Variants in MAPK8IP1 observed in about 807,000 individuals in gnomAD.
MAPK8IP1 encodes the protein mitogen-activated protein kinase 8 interacting protein 1.
MAPK8IP1 carries 17 observed loss-of-function variants against 72.6 expected under a neutral mutation model. That is an observed-to-expected ratio of 0.23 (90% CI 0.16 to 0.35). MAPK8IP1 has a LOEUF of 0.35. MAPK8IP1 is among the 10% of genes least tolerant of loss of function. The probability of loss-of-function intolerance (pLI) is 1.00; values close to 1 mark genes in which losing one functional copy is unlikely to be tolerated. For synonymous variants in MAPK8IP1, 401 were observed against 443.4 expected, an observed-to-expected ratio of 0.90 and a Z score of 1.20; for missense variants, 789 against 1,009.7, an observed-to-expected ratio of 0.78 and a Z score of 2.96.
intron 1 of MAPK8IP1, among the ~76,000 whole-genome samples, chr11:45,886,537 G>A (rs2086528881): frequency 6.6e-6 from 1 of 152,186 alleles, no homozygotes. Context: ...TGCGGGAAGG[G>A]AAGTCGGCTC....
chr11:45,895,619 C>CAAA (rs1256044597), intron 1 of MAPK8IP1, among the ~76,000 whole-genome samples: 8 of 31,228 alleles, frequency 2.6e-4, no homozygotes, highest in South Asian at 2.0e-3. Context: ...AAGGCCGTCT[C>CAAA]AAAAAAAAAA....
At chr11:45,901,907 G>A in intron 3 of MAPK8IP1, 73 bp from the exon 4 acceptor site, 2 of 1,153,372 alleles carry the variant, frequency 1.7e-6, no homozygotes, top group South Asian at 1.2e-5. Context: ...GCCTGAGGGG[G>A]CAGGGCCGGG....
chr11:45,896,985 G>T, intron 1 of MAPK8IP1: 2 of 1,551,180 alleles, frequency 1.3e-6, no homozygotes, highest in Non-Finnish European at 1.7e-6. Flanking sequence ...GGTGGAGACC[G>T]AGTTGGGGTG....
chr11:45,885,858 C>G lies in MAPK8IP1; in HGVS notation c.38C>G (p.Ala13Gly), dbSNP rs893295783. ...GAAAGCGGCGGCCTGGGAGGGGGGG[C>G]CGCGTCCCCGCCCGCCGCCTCCCCG... ...ERESGGLGGG[A>G]ASPPAASPFL... is the part of the protein sequence containing the mutation. Residue 13 changes from alanine to glycine, a missense_variant, in exon 1 of 12, where the codon GCC becomes GGC. This residue lies in a region of MAPK8IP1 where 112 missense variants were observed against 111.8 expected (regional missense o/e 1.00). Coordinates refer to ENST00000241014, the MANE Select transcript of MAPK8IP1 (RefSeq NM_005456.4). 1.7e-5 allele frequency: 25 copies of G among 1,451,896 alleles called. No homozygotes were observed. In the Admixed American group the frequency reaches 2.5e-4, roughly 14 times the overall value. The allele number at this position is 1,451,896 out of a possible 1,614,324, so 89.9% of individuals were successfully genotyped here.
intron 2 of MAPK8IP1, among the ~76,000 whole-genome samples, chr11:45,898,710 G>A: frequency 6.6e-6 from 1 of 152,224 alleles, no homozygotes; most frequent in South Asian, 2.1e-4. Flanking sequence ...CTGGCCTATA[G>A]TCCTAAAGGC....
At chr11:45,889,627 G>A (rs2086551733) in intron 1 of MAPK8IP1, among the ~76,000 whole-genome samples, 1 of 152,148 alleles carries the variant, frequency 6.6e-6, no homozygotes. Flanking sequence ...GGGGTGTGTA[G>A]AAGGGGAATC....
At chr11:45,895,434 A>G (rs2086595743) in intron 1 of MAPK8IP1, among the ~76,000 whole-genome samples, 1 of 152,108 alleles carries the variant, frequency 6.6e-6, no homozygotes, top group Non-Finnish European at 1.5e-5. Flanking sequence ...AGCCTGGCCA[A>G]CATGGTGAAA....
chr11:45,900,595 C>A lies in MAPK8IP1; in HGVS notation c.522+143C>A. 1.1e-6 allele frequency: 1 copy of A among 939,984 alleles called. No homozygotes were observed. The highest frequency in any genetic ancestry group is 1.5e-6 in the Non-Finnish European group (1 of 646,916). The allele number at this position is 939,984 out of a possible 1,614,324, so 58.2% of individuals were successfully genotyped here. A position where few individuals can be genotyped will look rare whatever the true frequency, so the allele number is the denominator to read the frequency against. ...CATAGGGGCCGCGGTGGCTCGCTCC[C>A]GGTGTTGGGATCCGAGGAGCGGGCA... On this transcript the variant is annotated intron_variant, in intron 3 of 11. Coordinates refer to ENST00000241014, the MANE Select transcript of MAPK8IP1 (RefSeq NM_005456.4). The surrounding 1 kb of genome is among the most constrained non-coding windows in gnomAD (Gnocchi z 6.5).
rs1294234162 is a variant in MAPK8IP1 at position 45,904,960 on chromosome 11, C to T, written c.1894-11C>T. ...GTGACCGCCCTCTTGCTTCTTTTCT[C>T]CCTCCTGTAGGGGAATAAATGTAGC... On this transcript the variant is annotated splice_polypyrimidine_tract_variant and intron_variant, in intron 9 of 11. Coordinates refer to ENST00000241014, the MANE Select transcript of MAPK8IP1 (RefSeq NM_005456.4). The surrounding 1 kb of genome is among the most constrained non-coding windows in gnomAD (Gnocchi z 6.4). 1.1e-5 allele frequency: 17 copies of T among 1,613,762 alleles called. No individual in the cohort carries two copies. Among genetic ancestry groups the T allele is most frequent in the Non-Finnish European group, 1.4e-5 (16 of 1,179,662 alleles).
intron 2 of MAPK8IP1, 151 bp downstream of exon 2, chr11:45,898,341 T>C (rs568012580): frequency 1.8e-4 from 114 of 622,358 alleles, no homozygotes; most frequent in South Asian, 1.8e-3. Context: ...GGTATACTGC[T>C]TGGCACGTCT....
In MAPK8IP1 at chr11:45,900,460, G is replaced by A. The variant is rs1335114487; in HGVS notation, c.522+8G>A. 4 of 1,531,104 alleles carry A rather than the reference G, an allele frequency of 2.6e-6. No homozygotes were observed. In the South Asian group the frequency reaches 4.8e-5, roughly 18 times the overall value. 94.8% of individuals were successfully genotyped at this position (1,531,104 alleles called of 1,614,324 possible). On this transcript the variant is annotated splice_region_variant and intron_variant, in intron 3 of 11. Coordinates refer to ENST00000241014, the MANE Select transcript of MAPK8IP1 (RefSeq NM_005456.4). This position sits in a 1 kb window ranked among gnomAD's most constrained non-coding sequence, Gnocchi z 6.5. ...CAGGTGCCGCGGTCTCAGGTGAGGC[G>A]CCAACGTGGGGGGCGGCGCCCTGGG...
intron 1 of MAPK8IP1, among the ~76,000 whole-genome samples, chr11:45,886,703 T>G (rs1335841625): frequency 6.6e-6 from 1 of 152,130 alleles, no homozygotes; most frequent in Non-Finnish European, 1.5e-5. Flanking sequence ...GAGTGTTGTG[T>G]GGAGGAGGAA....
In MAPK8IP1 at chr11:45,906,388, T is replaced by C. The variant is rs2134680504; in HGVS notation, c.*667T>C. The C allele has an allele frequency of 8.2e-6, 6 of 730,924 alleles. No individual in the cohort carries two copies. The highest frequency in any genetic ancestry group is 1.2e-5 in the Non-Finnish European group (6 of 498,196). The allele number at this position is 730,924 out of a possible 1,614,324, so 45.3% of individuals were successfully genotyped here. A position where few individuals can be genotyped will look rare whatever the true frequency, so the allele number is the denominator to read the frequency against. On this transcript the variant is annotated 3_prime_UTR_variant, in exon 12 of 12. Coordinates refer to ENST00000241014, the MANE Select transcript of MAPK8IP1 (RefSeq NM_005456.4). ...CCTGTCCCAGCAGAAGAGGGAGGCT[T>C]CCTGACTGACACAGGCCAGCCCCAT...
chr11:45,900,120 C>A lies in MAPK8IP1; in HGVS notation c.208-18C>A. 5.0e-6 allele frequency: 6 copies of A among 1,209,444 alleles called. No homozygotes were observed. Among genetic ancestry groups the A allele is most frequent in the Non-Finnish European group, 5.1e-6 (5 of 974,652 alleles). 74.9% of individuals were successfully genotyped at this position (1,209,444 alleles called of 1,614,324 possible). ...CGCCCCGGCCCCGCCCCCTGACGCCCCTCCGTGCGCTGTGCAGCCCCCGCG... is the reference window on the plus strand; with the variant it reads ...CGCCCCGGCCCCGCCCCCTGACGCCACTCCGTGCGCTGTGCAGCCCCCGCG... On this transcript the variant is annotated intron_variant, in intron 2 of 11. Transcript: ENST00000241014. This position sits in a 1 kb window ranked among gnomAD's most constrained non-coding sequence, Gnocchi z 6.5.
At chr11:45,896,888 G>C in intron 1 of MAPK8IP1, 2 of 1,558,698 alleles carry the variant, frequency 1.3e-6, no homozygotes, top group African/African-American at 1.4e-5. Context: ...CCATGCAGCT[G>C]GTGCTGAAGA....
Position 45,904,990 on chromosome 11 carries a change from T to G in MAPK8IP1, c.1913T>G (p.Phe638Cys). The G allele has an allele frequency of 1.2e-6, 2 of 1,614,152 alleles. No homozygotes were observed. Among genetic ancestry groups the G allele is most frequent in the Non-Finnish European group, 1.7e-6 (2 of 1,180,022 alleles). ...CTGTAGGGGAATAAATGTAGCCACT[T>G]TTTCCAGTTAAAAAACATCTCTTTC... ...QEAKGNKCSH[F>C]FQLKNISFCG... Residue 638 changes from phenylalanine (F) to cysteine (C), a missense_variant, in exon 10 of 12, where the codon TTT (phenylalanine) becomes TGT (cysteine). Phe to Cys is a radical substitution (Grantham distance 205). Transcript: ENST00000241014. This position sits in a 1 kb window ranked among gnomAD's most constrained non-coding sequence, Gnocchi z 6.4.
chr11:45,897,884 G>A (rs1255157012), intron 1 of MAPK8IP1, among the ~76,000 whole-genome samples: 1 of 152,130 alleles, frequency 6.6e-6, no homozygotes, highest in African/African-American at 2.4e-5. Flanking sequence ...TGCCACCCTA[G>A]GAGGACTGCC....
intron 1 of MAPK8IP1, among the ~76,000 whole-genome samples, chr11:45,893,393 G>A (rs1224696923): frequency 6.6e-6 from 1 of 152,176 alleles, no homozygotes; most frequent in African/African-American, 2.4e-5. Context: ...GGGAGCAGGA[G>A]CTGGTATGGC....
rs2086647360 is a variant in MAPK8IP1, at chr11:45,900,824, G to A, written c.522+372G>A. On this transcript the variant is annotated intron_variant, in intron 3 of 11. Transcript: ENST00000241014. This position sits in a 1 kb window ranked among gnomAD's most constrained non-coding sequence, Gnocchi z 6.5. ...AGGATATGGGGCTCCTGGTGAAAGTGGAGCAGGAGCAGGGCCTGGAGAAAA... is the reference window on the plus strand; with the variant it reads ...AGGATATGGGGCTCCTGGTGAAAGTAGAGCAGGAGCAGGGCCTGGAGAAAA... Among the ~76,000 whole-genome samples, 1 of 152,168 alleles carries A rather than the reference G, an allele frequency of 6.6e-6. No homozygotes were observed. The highest frequency in any genetic ancestry group is 1.9e-4 in the East Asian group (1 of 5,190).
Sources: allele counts gnomAD v4.1 joint callset (sites outside exome capture counted in the v4.1 genomes callset), GRCh38; gene constraint gnomAD v4.1.1; regional missense constraint gnomAD v4.1.1; non-coding constraint Gnocchi (gnomAD v3.1); transcripts MANE v1.5; gene names NCBI Gene and HGNC (gene_info 2026-07-23, HGNC 2026-07-21).